The following NCOA1 variants were observed in gnomAD, a reference collection of about 807,000 sequenced individuals.
NCOA1 encodes nuclear receptor coactivator 1.
In NCOA1, 35 loss-of-function variants were observed where a neutral mutation model predicts 150.9. The observed-to-expected ratio is 0.23, with a 90% confidence interval of 0.18 to 0.31. NCOA1 has a LOEUF of 0.31. Ranked by LOEUF, NCOA1 falls within the 10% of genes least tolerant of loss-of-function variation. The probability of loss-of-function intolerance (pLI) is 1.00; values close to 1 mark genes in which losing one functional copy is unlikely to be tolerated. For synonymous variants in NCOA1, 590 were observed against 630.0 expected (o/e 0.94, Z 0.95); for missense variants, 1,491 against 1,749.3 (o/e 0.85, Z 2.63).
At chr2:24,519,537 C>T (rs559417627) in intron 1 of NCOA1, among the ~76,000 whole-genome samples, 20 of 151,022 alleles carry the variant, frequency 1.3e-4, no homozygotes, top group South Asian at 1.3e-3. Context: ...AAAGAAAACA[C>T]GGTTGGGCAT....
At chr2:24,721,344 T>C (rs373934321) in intron 14 of NCOA1, among the ~76,000 whole-genome samples, 3 of 152,352 alleles carry the variant, frequency 2.0e-5, no homozygotes, top group African/African-American at 7.2e-5. Flanking sequence ...TCATTAAAGT[T>C]GCTTTCTTTC....
chr2:24,655,071 G>T (rs1670873586), intron 4 of NCOA1, among the ~76,000 whole-genome samples: 1 of 152,052 alleles, frequency 6.6e-6, no homozygotes, highest in African/African-American at 2.4e-5. Flanking sequence ...TGTCACAATA[G>T]AATGAAACTT....
chr2:24,614,096 C>T (rs919697744), intron 3 of NCOA1, among the ~76,000 whole-genome samples: 3 of 150,700 alleles, frequency 2.0e-5, no homozygotes, highest in Non-Finnish European at 3.0e-5. Context: ...ACTTTTTTCT[C>T]AATCCTTTCC....
At chr2:24,562,805 G>A (rs1666340278) in intron 1 of NCOA1, among the ~76,000 whole-genome samples, 1 of 152,146 alleles carries the variant, frequency 6.6e-6, no homozygotes, top group African/African-American at 2.4e-5. Context: ...TTTTGAAACT[G>A]GAGATAACAA....
intron 7 of NCOA1, among the ~76,000 whole-genome samples, chr2:24,681,625 TA>T (rs1400439478): frequency 1.3e-5 from 2 of 152,170 alleles, no homozygotes; most frequent in African/African-American, 4.8e-5. Flanking sequence ...TATTCATTGT[TA>T]AAATTTCATC....
intron 19 of NCOA1, among the ~76,000 whole-genome samples, chr2:24,743,499 G>A (rs1663715442): frequency 6.6e-6 from 1 of 152,170 alleles, no homozygotes; most frequent in African/African-American, 2.4e-5. Context: ...TCTTTGGCTG[G>A]TTTATATCAG....
chr2:24,698,900 A>G (rs957191182), intron 11 of NCOA1, among the ~76,000 whole-genome samples: 12 of 152,172 alleles, frequency 7.9e-5, no homozygotes, highest in Non-Finnish European at 1.3e-4. Context: ...GGAAACATCT[A>G]TATAAATATC....
chr2:24,691,164 C>G (rs1054302161), intron 8 of NCOA1, among the ~76,000 whole-genome samples: 5 of 152,146 alleles, frequency 3.3e-5, no homozygotes, highest in Non-Finnish European at 7.4e-5. Context: ...CTGAAAAACT[C>G]ATTAACTGCT....
chr2:24,647,869 T>C (rs1405358649), intron 4 of NCOA1, among the ~76,000 whole-genome samples: 1 of 152,200 alleles, frequency 6.6e-6, no homozygotes, highest in Admixed American at 6.5e-5. Context: ...TGGGTGACAA[T>C]TGCAGGGGTC....
At chr2:24,544,625 C>T (rs1343056187) in intron 1 of NCOA1, among the ~76,000 whole-genome samples, 5 of 151,952 alleles carry the variant, frequency 3.3e-5, no homozygotes, top group Non-Finnish European at 7.4e-5. Context: ...CACTGTAGTC[C>T]CAGCTAGGGC....
intron 2 of NCOA1, among the ~76,000 whole-genome samples, chr2:24,574,478 CT>C (rs569289471): frequency 1.2e-3 from 181 of 151,758 alleles, no homozygotes; most frequent in Non-Finnish European, 1.8e-3. Flanking sequence ...GAGGTTACTG[CT>C]TTTTTTTAGT....
intron 1 of NCOA1, among the ~76,000 whole-genome samples, chr2:24,508,815 A>G (rs566230017): frequency 2.0e-5 from 3 of 152,300 alleles, no homozygotes; most frequent in South Asian, 2.1e-4. Flanking sequence ...AGACAACTTT[A>G]TAGATAGTAT....
intron 3 of NCOA1, among the ~76,000 whole-genome samples, chr2:24,639,881 C>A (rs1670102525): frequency 8.5e-6 from 1 of 117,480 alleles, no homozygotes; most frequent in South Asian, 2.7e-4. Context: ...GTGCGAGACT[C>A]TGTCTCAAAA....
rs899170472 is a variant in NCOA1 at position 24,582,828 on chromosome 2, G to C, written c.-259-1648G>C. Among the ~76,000 whole-genome samples the C allele has an allele frequency of 3.9e-5, 6 of 152,098 alleles. No homozygotes were observed. The South Asian group carries it at 1.2e-3, about 32-fold the overall frequency. On this transcript the variant is annotated intron_variant, in intron 2 of 22. Coordinates refer to ENST00000348332, the MANE Select transcript of NCOA1 (RefSeq NM_003743.5). ...ATTTATAGCCAACTGATTTTTAACA[G>C]AGGCACCAAGAACATACATTCGGGA...
At chr2:24,674,905 C>T (rs949491623) in intron 7 of NCOA1, among the ~76,000 whole-genome samples, 4 of 152,170 alleles carry the variant, frequency 2.6e-5, no homozygotes, top group Non-Finnish European at 5.9e-5. Context: ...CACATGCATT[C>T]TAGCTTCCTT....
intron 3 of NCOA1, among the ~76,000 whole-genome samples, chr2:24,640,494 G>A (rs896023747): frequency 3.9e-5 from 6 of 152,002 alleles, no homozygotes; most frequent in Admixed American, 3.9e-4. Flanking sequence ...TTATTTTGAA[G>A]CTCTGTTATT....
chr2:24,586,687 C>T (rs1321254175), intron 3 of NCOA1, among the ~76,000 whole-genome samples: 1 of 152,198 alleles, frequency 6.6e-6, no homozygotes, highest in Non-Finnish European at 1.5e-5. Context: ...ACTCTAGGCT[C>T]AGGCAGTCTG....
At chr2:24,697,532 C>A in intron 10 of NCOA1, 126 bp from the exon 11 acceptor site, 1 of 857,244 alleles carries the variant, frequency 1.2e-6, no homozygotes. Context: ...ATTAATAGTG[C>A]TTTTTGATGC....
At chr2:24,624,044 G>A (rs1168695185) in intron 3 of NCOA1, among the ~76,000 whole-genome samples, 2 of 152,138 alleles carry the variant, frequency 1.3e-5, no homozygotes, top group Non-Finnish European at 2.9e-5. Context: ...TTCCTTTTCT[G>A]TTGTCTAGAC....
Sources: gnomAD v4.1 joint callset for allele counts (sites outside exome capture counted in the v4.1 genomes callset) on GRCh38, gnomAD v4.1.1 for gene constraint, MANE v1.5 for transcripts, NCBI Gene and HGNC (gene_info 2026-07-23, HGNC 2026-07-21) for gene names.